The following BCAS4 variants were observed in gnomAD, a reference collection of about 807,000 sequenced individuals.
The protein encoded by BCAS4 is breast carcinoma amplified sequence 4.
BCAS4 carries 9 observed loss-of-function variants against 15.7 expected under a neutral mutation model. That is an observed-to-expected ratio of 0.57 (90% confidence interval 0.34 to 1.00). BCAS4 has a LOEUF of 1.00. BCAS4 is among the 50% of genes least tolerant of loss of function. The probability of loss-of-function intolerance (pLI) is 0.02; values close to 1 mark genes in which losing one functional copy is unlikely to be tolerated. For synonymous variants in BCAS4, 101 were observed against 99.5 expected, an observed-to-expected ratio of 1.02 and a Z score of -0.09; for missense variants, 225 against 239.1, an observed-to-expected ratio of 0.94 and a Z score of 0.39.
intron 3 of BCAS4, among the ~76,000 whole-genome samples, chr20:50,837,889 A>G (rs996172966): frequency 6.6e-6 from 1 of 152,226 alleles, no homozygotes; most frequent in Admixed American, 6.5e-5. Context: ...TTTTACAAGC[A>G]TATGTGCTGG....
At chr20:50,812,471 CT>C (rs2088082586) in intron 1 of BCAS4, among the ~76,000 whole-genome samples, 1 of 143,010 alleles carries the variant, frequency 7.0e-6, no homozygotes, top group Admixed American at 7.2e-5. Flanking sequence ...GAGTCTTGCT[CT>C]CTCGCCCAGG....
intron 4 of BCAS4, among the ~76,000 whole-genome samples, chr20:50,857,298 A>AT (rs1978815379): frequency 2.6e-5 from 4 of 152,046 alleles, no homozygotes; most frequent in African/African-American, 4.8e-5. Context: ...CACCTGGCTA[A>AT]TTTTGTATTT....
downstream of BCAS4, chr20:50,877,738 T>C (rs945215495): frequency 6.6e-6 from 1 of 151,874 alleles, no homozygotes; most frequent in East Asian, 1.9e-4. Context: ...CCCAAAAAAG[T>C]TTTTCAAGGA....
At chr20:50,836,205 T>C (rs6067565) in intron 3 of BCAS4, among the ~76,000 whole-genome samples, 22,455 of 152,198 alleles carry the variant, frequency 0.15, 1,773 homozygotes, top group South Asian at 0.19. Context: ...CGTGAGCCAC[T>C]GCGCCTGGCT....
In BCAS4 at chr20:50,841,748, C is replaced by T. The variant is rs1324659283; in HGVS notation, c.265-18C>T. On this transcript the variant is annotated intron_variant, in intron 3 of 4. Transcript: ENST00000371608. Reference sequence around the variant, plus strand: ...AGCCTGCACAGATGCGGCATCATGGCTTCTCCGTGTCCCTCAGGCCTTCGT... The same window carrying T: ...AGCCTGCACAGATGCGGCATCATGGTTTCTCCGTGTCCCTCAGGCCTTCGT... 1.9e-6 allele frequency: 3 copies of T among 1,613,942 alleles called. No individual in the cohort carries two copies. Among genetic ancestry groups the T allele is most frequent in the Middle Eastern group, 1.6e-4 (1 of 6,062 alleles).
At chr20:50,817,772 C>A (rs1053370772) in intron 1 of BCAS4, among the ~76,000 whole-genome samples, 1 of 151,932 alleles carries the variant, frequency 6.6e-6, no homozygotes, top group Admixed American at 6.6e-5. Context: ...TTTTCCTCTC[C>A]GGGGTATCAC....
At chr20:50,860,798 C>G (rs764340065) in intron 4 of BCAS4, among the ~76,000 whole-genome samples, 3 of 152,126 alleles carry the variant, frequency 2.0e-5, no homozygotes, top group Non-Finnish European at 4.4e-5. Flanking sequence ...ATTGCTTGAA[C>G]CTGTGGCGGA....
intron 2 of BCAS4, among the ~76,000 whole-genome samples, chr20:50,829,392 G>A (rs149375571): frequency 2.3e-3 from 343 of 152,166 alleles, no homozygotes; most frequent in African/African-American, 8.0e-3. Flanking sequence ...AGAGGTGTGT[G>A]CTACCACACC....
At chr20:50,799,961 C>T (rs1053238652) in intron 1 of BCAS4, among the ~76,000 whole-genome samples, 6 of 152,194 alleles carry the variant, frequency 3.9e-5, no homozygotes, top group African/African-American at 1.4e-4. Flanking sequence ...ATGGGAAGAT[C>T]ACCTGGGCTC....
chr20:50,799,923 C>T (rs1271401845), intron 1 of BCAS4, among the ~76,000 whole-genome samples: 2 of 152,036 alleles, frequency 1.3e-5, no homozygotes, highest in Non-Finnish European at 1.5e-5. Flanking sequence ...GGTATGTGCC[C>T]CTGGTCCCAG....
At chr20:50,849,125 C>T (rs947227755) in intron 4 of BCAS4, among the ~76,000 whole-genome samples, 2 of 152,276 alleles carry the variant, frequency 1.3e-5, no homozygotes, top group African/African-American at 4.8e-5. Flanking sequence ...TCCTGGCTCA[C>T]GTGCCCAGGG....
At chr20:50,880,553 C>A (rs1014961464), downstream of BCAS4, 2 of 152,148 alleles carry the variant, frequency 1.3e-5, no homozygotes, top group African/African-American at 4.8e-5. Context: ...CTCCTGGGCT[C>A]AAGCGATCCT....
intron 4 of BCAS4, among the ~76,000 whole-genome samples, chr20:50,860,912 T>G (rs1979033656): frequency 6.6e-6 from 1 of 151,626 alleles, no homozygotes; most frequent in Non-Finnish European, 1.5e-5. Flanking sequence ...AGTGTGTCAC[T>G]TGAGCCCAGG....
rs370066017 is a variant in BCAS4, at chr20:50,797,769, G to A, written c.90+2596G>A. Among the ~76,000 whole-genome samples, 68 of 152,004 alleles carry A rather than the reference G, an allele frequency of 4.5e-4. No individual in the cohort carries two copies. The East Asian group carries it at 6.3e-3, about 14-fold the overall frequency. On this transcript the variant is annotated intron_variant, in intron 1 of 4. Coordinates refer to ENST00000371608, the MANE Select transcript of BCAS4 (RefSeq NM_198799.4). Reference sequence around the variant, plus strand: ...CAACCTCCACCTCCTGGGTTCAAACGATTCTCCTGCCTCAGCCTCCCGAGT... The same window carrying A: ...CAACCTCCACCTCCTGGGTTCAAACAATTCTCCTGCCTCAGCCTCCCGAGT...
chr20:50,834,103 G>A (rs2088377254), intron 3 of BCAS4, among the ~76,000 whole-genome samples: 1 of 152,146 alleles, frequency 6.6e-6, no homozygotes, highest in South Asian at 2.1e-4. Flanking sequence ...GGGTAGGGCC[G>A]AGGCCTGGAG....
rs1332448489 is a variant in BCAS4 at position 50,851,013 on chromosome 20, CG to C, written c.399+9114del. Among the ~76,000 whole-genome samples the C allele has an allele frequency of 3.3e-3, 3 of 904 alleles. No individual in the cohort carries two copies. The highest frequency in any genetic ancestry group is 0.022 in the Non-Finnish European group (3 of 134). The allele number at this position is 904 out of a possible 152,430, so 0.6% of individuals were successfully genotyped here. A position where few individuals can be genotyped will look rare whatever the true frequency, so the allele number is the denominator to read the frequency against. On this transcript the variant is annotated intron_variant, in intron 4 of 4. Transcript: ENST00000371608. This position sits in a 1 kb window ranked among gnomAD's most constrained non-coding sequence, Gnocchi z 4.3. ...AGGCTCAGCGTGCTCCCCTCCCCAG[CG>C]ACCCCCCCAGCTCCCGCCCCTTGCC...
chr20:50,870,586 G>A (rs926433650), intron 4 of BCAS4, among the ~76,000 whole-genome samples: 1 of 152,210 alleles, frequency 6.6e-6, no homozygotes, highest in Non-Finnish European at 1.5e-5. Context: ...TCAGGCTGGG[G>A]CTCCTCAGCT....
At chr20:50,795,252 G>C (rs767425001) in intron 1 of BCAS4, 79 bp downstream of exon 1, 91 of 1,225,308 alleles carry the variant, frequency 7.4e-5, no homozygotes, top group Middle Eastern at 2.8e-4. Flanking sequence ...GGCTTCCCCG[G>C]AGCATCCTCT....
rs141929507 is a variant in BCAS4, at chr20:50,868,221, G to A, written c.400-8265G>A. On this transcript the variant is annotated intron_variant, in intron 4 of 4. Transcript: ENST00000371608. ...CACCTGGCCGAAGTGACGTTTGCCA[G>A]GTTTCTCCACTGTGCAGTTTCTTTC... 4.6e-5 allele frequency among the ~76,000 whole-genome samples: 7 copies of A among 152,282 alleles called. No homozygotes were observed. In the East Asian group the frequency reaches 1.4e-3, roughly 29 times the overall value.
Sources: gnomAD v4.1 joint callset for allele counts (sites outside exome capture counted in the v4.1 genomes callset) on GRCh38, gnomAD v4.1.1 for gene constraint, Gnocchi (gnomAD v3.1) non-coding constraint, MANE v1.5 for transcripts, NCBI Gene and HGNC (gene_info 2026-07-23, HGNC 2026-07-21) for gene names.